Variants in FSTL5 observed in about 807,000 individuals in gnomAD.
FSTL5 encodes the protein follistatin like 5.
Under a neutral mutation model 89.1 loss-of-function variants are expected in FSTL5, and 62 were observed. That is an observed-to-expected ratio of 0.70 (90% CI 0.57 to 0.86). FSTL5 has a LOEUF of 0.86. Ranked by LOEUF, FSTL5 falls within the 40% of genes least tolerant of loss-of-function variation. The probability of loss-of-function intolerance (pLI) is 0.00; values close to 1 mark genes in which losing one functional copy is unlikely to be tolerated. For missense variants in FSTL5, 1,057 were observed against 1,001.6 expected, an observed-to-expected ratio of 1.06 and a Z score of -0.75; for synonymous variants, 383 against 346.2, an observed-to-expected ratio of 1.11 and a Z score of -1.18.
intron 3 of FSTL5, among the ~76,000 whole-genome samples, chr4:161,948,325 T>A (rs1220071782): frequency 6.6e-6 from 1 of 150,398 alleles, no homozygotes; most frequent in Non-Finnish European, 1.5e-5. Context: ...AAAAGAGTGA[T>A]GAATCCTGGC....
rs1733542822 is a variant in FSTL5, at chr4:161,584,563, G to A, written c.1015+2892C>T. 1.3e-5 allele frequency among the ~76,000 whole-genome samples: 2 copies of A among 152,194 alleles called. 1 individual carries two copies. The highest frequency in any genetic ancestry group is 4.1e-4 in the South Asian group (2 of 4,836). On this transcript the variant is annotated intron_variant, in intron 8 of 15. Coordinates refer to ENST00000306100, the MANE Select transcript of FSTL5 (RefSeq NM_020116.5). ...GCAGGTGCTTTGCAGCTACTGCAAA[G>A]TTCTCTCTTTACTTTCAGCAAATGT...
At chr4:161,858,165 C>A (rs1731780550) in intron 4 of FSTL5, among the ~76,000 whole-genome samples, 1 of 152,122 alleles carries the variant, frequency 6.6e-6, no homozygotes, top group Non-Finnish European at 1.5e-5. Context: ...CTATCCCCTT[C>A]CACCACGTGA....
intron 4 of FSTL5, among the ~76,000 whole-genome samples, chr4:161,865,215 G>A (rs939333484): frequency 1.3e-4 from 20 of 151,956 alleles, no homozygotes; most frequent in African/African-American, 4.1e-4. Flanking sequence ...CCACAAAATC[G>A]CAGAAAACAA....
intron 1 of FSTL5, among the ~76,000 whole-genome samples, chr4:162,149,233 G>A (rs28454002): frequency 0.011 from 1,678 of 152,180 alleles, 33 homozygotes; most frequent in African/African-American, 0.038. Flanking sequence ...TGTATGCTGG[G>A]TGCGGTGGCT....
intron 3 of FSTL5, among the ~76,000 whole-genome samples, chr4:161,990,177 C>T (rs1736072196): frequency 6.6e-6 from 1 of 152,048 alleles, no homozygotes; most frequent in African/African-American, 2.4e-5. Context: ...TTTTGAATAG[C>T]CCACTCTGTT....
intron 4 of FSTL5, among the ~76,000 whole-genome samples, chr4:161,850,157 C>A (rs1464227253): frequency 6.6e-6 from 1 of 152,072 alleles, no homozygotes; most frequent in Non-Finnish European, 1.5e-5. Context: ...TTAGTTCCAG[C>A]AAACACAGAG....
At chr4:161,926,358 T>C (rs2110880065) in intron 3 of FSTL5, among the ~76,000 whole-genome samples, 1 of 151,740 alleles carries the variant, frequency 6.6e-6, no homozygotes, top group South Asian at 2.1e-4. Context: ...CCATTGGTTC[T>C]GCAAGCTTCT....
chr4:161,842,347 C>T (rs978456529), intron 4 of FSTL5, among the ~76,000 whole-genome samples: 3 of 152,048 alleles, frequency 2.0e-5, no homozygotes, highest in Non-Finnish European at 4.4e-5. Flanking sequence ...AAATGAACAC[C>T]AGTATAATCA....
chr4:161,650,075 T>G (rs557250030), intron 7 of FSTL5, among the ~76,000 whole-genome samples: 39 of 152,344 alleles, frequency 2.6e-4, no homozygotes, highest in Admixed American at 6.5e-4. Context: ...CCTAGAACTT[T>G]AACTAATTTT....
intron 7 of FSTL5, among the ~76,000 whole-genome samples, chr4:161,599,526 A>G (rs2126622275): frequency 6.6e-6 from 1 of 151,090 alleles, no homozygotes; most frequent in South Asian, 2.1e-4. Context: ...CAACACAATC[A>G]TGGTGAATAA....
At chr4:161,848,266 G>A (rs1468004732) in intron 4 of FSTL5, among the ~76,000 whole-genome samples, 12 of 151,978 alleles carry the variant, frequency 7.9e-5, no homozygotes, top group Admixed American at 6.6e-4. Flanking sequence ...TAGCTACAAT[G>A]AAAGGATCAT....
intron 4 of FSTL5, among the ~76,000 whole-genome samples, chr4:161,850,419 G>T (rs183346138): frequency 6.6e-6 from 1 of 152,268 alleles, no homozygotes; most frequent in Non-Finnish European, 1.5e-5. Flanking sequence ...GATAAGACAA[G>T]GTACTGAAAA....
At chr4:162,154,583 A>G (rs1733393048) in intron 1 of FSTL5, among the ~76,000 whole-genome samples, 1 of 152,192 alleles carries the variant, frequency 6.6e-6, no homozygotes. Flanking sequence ...AGTTCATAAT[A>G]AAATATCCTT....
intron 11 of FSTL5, among the ~76,000 whole-genome samples, chr4:161,504,956 T>G (rs969276389): frequency 3.3e-5 from 5 of 152,078 alleles, no homozygotes; most frequent in Non-Finnish European, 7.4e-5. Context: ...GATGTTTTTC[T>G]TCCTCTGACT....
intron 12 of FSTL5, among the ~76,000 whole-genome samples, chr4:161,499,682 A>C (rs972107129): frequency 3.0e-4 from 45 of 152,134 alleles, no homozygotes; most frequent in Non-Finnish European, 1.8e-4. Context: ...TTATTTTCTT[A>C]AATATAACCT....
At chr4:161,595,004 A>C (rs769802979) in intron 7 of FSTL5, among the ~76,000 whole-genome samples, 1 of 150,444 alleles carries the variant, frequency 6.6e-6, no homozygotes, top group Admixed American at 6.6e-5. Context: ...AAACAAGGTG[A>C]GGGGTCTCAG....
At chr4:161,695,447 GTGTGTGTATA>G (rs1326415768) in intron 6 of FSTL5, among the ~76,000 whole-genome samples, 1 of 134,634 alleles carries the variant, frequency 7.4e-6, no homozygotes, top group Non-Finnish European at 1.6e-5. Context: ...GTGTGTGTGT[GTGTGTGTATA>G]TATATCACAT....
intron 2 of FSTL5, among the ~76,000 whole-genome samples, chr4:162,042,516 C>T (rs1244598715): frequency 6.6e-6 from 1 of 151,746 alleles, no homozygotes; most frequent in Admixed American, 6.6e-5. Context: ...TCATTTAGGG[C>T]AGAAAAGATA....
chr4:161,860,976 C>A (rs1310994493), intron 4 of FSTL5, among the ~76,000 whole-genome samples: 13 of 151,966 alleles, frequency 8.6e-5, no homozygotes, highest in Admixed American at 8.5e-4. Context: ...AAAGATAATA[C>A]CTTTAAAAGA....
Sources: allele counts gnomAD v4.1 joint callset (sites outside exome capture counted in the v4.1 genomes callset), GRCh38; gene constraint gnomAD v4.1.1; transcripts MANE v1.5; gene names NCBI Gene and HGNC (gene_info 2026-07-23, HGNC 2026-07-21).